DMKN: variants seen among roughly 807,000 people sequenced by gnomAD.
DMKN encodes epidermis-specific secreted protein SK30/SK89.
In DMKN, 58 loss-of-function variants were observed where a neutral mutation model predicts 67.6. The ratio of observed to expected loss-of-function variants is 0.86; its 90% CI spans 0.69 to 1.07. The LOEUF is 1.07. Among genes scored for constraint, DMKN ranks in the 50% least tolerant of loss-of-function variants. The pLI, the probability that DMKN is intolerant of heterozygous loss-of-function variation, is 0.00. For synonymous variants in DMKN, 240 were observed against 232.3 expected (o/e 1.03, Z -0.30); for missense variants, 596 against 601.5 (o/e 0.99, Z 0.10).
At chr19:35,497,613 C>G (rs1035277875) in intron 15 of DMKN, 75 bp from the exon 16 acceptor site, 2 of 152,322 alleles carry the variant, frequency 1.3e-5, no homozygotes, top group African/African-American at 4.8e-5. Flanking sequence ...TTTCACCCAG[C>G]GTCTGGGCAC....
chr19:35,508,498 G>A (rs1378526554), intron 7 of DMKN: 3 of 347,480 alleles, frequency 8.6e-6, no homozygotes, highest in Non-Finnish European at 1.6e-5. Context: ...AAGCAGTCCT[G>A]TCCGACAGAA....
chr19:35,500,577 C>A lies in DMKN; in HGVS notation c.1243G>T (p.Ala415Ser), dbSNP rs2293696. 4 of 1,607,606 alleles carry A rather than the reference C, an allele frequency of 2.5e-6. No individual in the cohort carries two copies. The East Asian group carries it at 8.9e-5, about 36-fold the overall frequency. Reference sequence around the variant, plus strand: ...CGTTTCTGCAGTGATGACGCGTCCGCACCCTGAAAGGAAGAAGGGGCCACA... The same window carrying A: ...CGTTTCTGCAGTGATGACGCGTCCGAACCCTGAAAGGAAGAAGGGGCCACA... ...FLNWKAIIEG[A>S]DASSLQKRAG... Residue 415 changes from alanine (A) to serine (S), a missense_variant, in exon 12 of 16, where the codon GCG (alanine) becomes TCG (serine). By Grantham distance (99) the Ala-to-Ser change is moderately conservative. Coordinates refer to ENST00000339686, the MANE Select transcript of DMKN (RefSeq NM_033317.5).
chr19:35,500,432 T>C (rs763208247), intron 12 of DMKN, 101 bp downstream of exon 12: 2 of 1,553,912 alleles, frequency 1.3e-6, no homozygotes, highest in African/African-American at 1.4e-5. Context: ...GAGAAAGCCA[T>C]TGAATGGAGG....
At chr19:35,505,587 G>T (rs2069307981) in intron 9 of DMKN, 131 bp downstream of exon 9, 4 of 1,157,974 alleles carry the variant, frequency 3.5e-6, no homozygotes, top group South Asian at 1.4e-5. Context: ...CCCCCAGTGT[G>T]TTTAGTTTTT....
intron 7 of DMKN, chr19:35,507,277 T>G (rs1399996239): frequency 4.6e-5 from 25 of 540,764 alleles, no homozygotes; most frequent in Middle Eastern, 2.8e-4. Context: ...AAGGAAGGAA[T>G]GAATGAACCA....
Position 35,509,912 on chromosome 19 carries a change from T to C in DMKN, c.1037A>G (p.Gln346Arg), listed in dbSNP as rs1600044577. The change falls in exon 7 of 16, where the codon CAG becomes CGG. Residue 346 changes from glutamine to arginine, a missense_variant and splice_region_variant. Physicochemically the swap from Gln to Arg is conservative, Grantham distance 43. Transcript: ENST00000339686. ...GACTTAAGAGACTTTGGCTCTCACCTGAATCCCAGATTCCCCGCTCCCGCG... is the reference window on the plus strand; with the variant it reads ...GACTTAAGAGACTTTGGCTCTCACCCGAATCCCAGATTCCCCGCTCCCGCG... ...EARGSGESGI[Q>R]NSETSPGMFN... 1 of 1,614,228 alleles carries C rather than the reference T, an allele frequency of 6.2e-7. No individual in the cohort carries two copies. The highest frequency in any genetic ancestry group is 8.5e-7 in the Non-Finnish European group (1 of 1,180,026).
At chr19:35,503,324 T>A (rs1398836457) in intron 9 of DMKN, 20 of 1,536,922 alleles carry the variant, frequency 1.3e-5, no homozygotes, top group Non-Finnish European at 1.7e-5. Context: ...CTAAGGTTTA[T>A]TTCAAGGGCA....
Position 35,513,521 on chromosome 19 carries a change from G to C in DMKN, c.-46C>G. ...CTCCAGAGTGTCTTCCTCCCACCAG[G>C]GTCTCCTCCTTGCCGCCCTTGCTCT... On this transcript the variant is annotated 5_prime_UTR_variant, in exon 1 of 16. Coordinates refer to ENST00000339686, the MANE Select transcript of DMKN (RefSeq NM_033317.5). 6.4e-7 allele frequency: 1 copy of C among 1,555,812 alleles called. No homozygotes were observed. Among genetic ancestry groups the C allele is most frequent in the Non-Finnish European group, 8.6e-7 (1 of 1,161,474 alleles).
chr19:35,510,690 T>C (rs1385969294), intron 5 of DMKN, among the ~76,000 whole-genome samples: 1 of 152,124 alleles, frequency 6.6e-6, no homozygotes, highest in Non-Finnish European at 1.5e-5. Flanking sequence ...TGAGAGCAGC[T>C]CAGGTTATTC....
chr19:35,500,014 G>T lies in DMKN; in HGVS notation c.1303C>A (p.Gln435Lys). ...CCATAGGCAGTGGGATACGCATGCT[G>T]GTTGTAATTGTAGTTCTGTGGAAGA... The part of the protein sequence containing the change: ...GRDDQNYNYN[Q>K]HAYPTAYGGK... The change falls in exon 13 of 16, where the codon CAG becomes AAG. Residue 435 changes from glutamine to lysine, a missense_variant. By Grantham distance (53) the Gln-to-Lys change is moderately conservative (BLOSUM62 1). Coordinates refer to ENST00000339686, the MANE Select transcript of DMKN (RefSeq NM_033317.5). The T allele has an allele frequency of 1.2e-6, 2 of 1,614,210 alleles. No homozygotes were observed. The highest frequency in any genetic ancestry group is 1.7e-6 in the Non-Finnish European group (2 of 1,180,048).
intron 3 of DMKN, among the ~76,000 whole-genome samples, chr19:35,512,158 C>T (rs943925690): frequency 2.6e-5 from 4 of 152,002 alleles, no homozygotes; most frequent in East Asian, 1.9e-4. Context: ...CCACTATGAC[C>T]GGCTGATTTT....
At chr19:35,512,366 C>A in intron 3 of DMKN, 55 bp downstream of exon 3, 2 of 1,596,860 alleles carry the variant, frequency 1.3e-6, no homozygotes, top group Non-Finnish European at 1.7e-6. Context: ...TTCCCCAGCT[C>A]TCTGTAGCCT....
intron 15 of DMKN, 171 bp downstream of exon 15, chr19:35,498,542 CCCA>C: frequency 1.2e-6 from 1 of 850,672 alleles, no homozygotes; most frequent in South Asian, 1.8e-5. Flanking sequence ...TTCTCCACAC[CCCA>C]CCATGAGGTC....
intron 5 of DMKN, 99 bp downstream of exon 5, chr19:35,511,312 C>A: frequency 1.3e-6 from 2 of 1,570,234 alleles, no homozygotes; most frequent in Non-Finnish European, 8.6e-7. Context: ...CGCCCATCCT[C>A]GGGCAGCGGC....
intron 11 of DMKN, among the ~76,000 whole-genome samples, chr19:35,501,362 G>T (rs1362270431): frequency 6.6e-6 from 1 of 152,124 alleles, no homozygotes; most frequent in African/African-American, 2.4e-5. Flanking sequence ...TTTTTGCTTG[G>T]TCTACTTAAA....
At chr19:35,508,300 A>T in intron 7 of DMKN, 1 of 1,541,642 alleles carries the variant, frequency 6.5e-7, no homozygotes, top group Non-Finnish European at 8.8e-7. Context: ...CACCCCCGAA[A>T]ATTAATGTAT....
chr19:35,503,551 C>T, intron 9 of DMKN: 7 of 1,451,236 alleles, frequency 4.8e-6, no homozygotes, highest in Non-Finnish European at 6.5e-6. Context: ...TATCAGCTCA[C>T]CGCAACCTCC....
rs765325835 is a variant in DMKN at position 35,498,666 on chromosome 19, G to A, written c.*50C>T. 16 of 1,611,736 alleles carry A rather than the reference G, an allele frequency of 9.9e-6. No individual in the cohort carries two copies. The Admixed American group carries it at 1.5e-4, about 15-fold the overall frequency. On this transcript the variant is annotated intron_variant, in intron 15 of 15. Coordinates refer to ENST00000339686, the MANE Select transcript of DMKN (RefSeq NM_033317.5). Reference sequence around the variant, plus strand: ...GATCCTGGCCCTGCCCCGGGTGACTGTGCCTCCACTGCCAGGATGTGGCCT... The same window carrying A: ...GATCCTGGCCCTGCCCCGGGTGACTATGCCTCCACTGCCAGGATGTGGCCT...
In DMKN at chr19:35,502,191, G is replaced by T; in HGVS notation, c.1192-8C>A. 6.2e-7 allele frequency: 1 copy of T among 1,614,134 alleles called. No homozygotes were observed. The highest frequency in any genetic ancestry group is 1.3e-5 in the African/African-American group (1 of 75,044). ...AGTGTTCTGTTTGAAATCCTGCAGG[G>T]AGAAGGAGGGCAGAGTGGGCCGGGG... On this transcript the variant is annotated splice_polypyrimidine_tract_variant and splice_region_variant and intron_variant, in intron 10 of 15. Coordinates refer to ENST00000339686, the MANE Select transcript of DMKN (RefSeq NM_033317.5).
Sources: allele counts gnomAD v4.1 joint callset (sites outside exome capture counted in the v4.1 genomes callset), GRCh38; gene constraint gnomAD v4.1.1; transcripts MANE v1.5; gene names NCBI Gene and HGNC (gene_info 2026-07-23, HGNC 2026-07-21).